The following ASCL2 variants were observed in gnomAD, a reference collection of about 807,000 sequenced individuals.
ASCL2 encodes achaete-scute homolog 2.
A neutral mutation model predicts 5.1 loss-of-function variants in ASCL2; 6 were observed. The observed-to-expected ratio is 1.17, with a 90% CI of 0.64 to 2.31. The LOEUF (loss-of-function observed/expected upper bound fraction) is 2.31, where lower values mean the gene tolerates loss of function less well. Ranked by LOEUF, ASCL2 falls within the 30% of genes most tolerant of loss-of-function variation. ASCL2 has a pLI of 0.00. For missense variants in ASCL2, 320 were observed against 310.3 expected (o/e 1.03, Z -0.23); for synonymous variants, 174 against 157.3 (o/e 1.11, Z -0.80).
chr11:2,269,929 C>G lies in ASCL2; in HGVS notation c.404G>C (p.Gly135Ala), dbSNP rs530856175. 1 of 1,282,412 alleles carries G rather than the reference C, an allele frequency of 7.8e-7. No homozygotes were observed. The highest frequency in any genetic ancestry group is 9.9e-7 in the Non-Finnish European group (1 of 1,011,602). 79.4% of individuals were successfully genotyped at this position (1,282,412 alleles called of 1,614,324 possible). Residue 135 changes from glycine (G) to alanine (A), a missense_variant, in exon 1 of 2, where the codon GGG becomes GCG. Gly to Ala is a moderately conservative substitution (Grantham distance 60). Transcript: ENST00000331289. ...GGGCGAGGCGGCGACCGGGGTGGTC[C>G]CTGGCGGCCCGCGGGGCGCAGACGG... ...VRPSAPRGPPGTTPVAASPSR... is the reference protein window; with the variant it reads ...VRPSAPRGPPATTPVAASPSR...
At chr11:2,269,489 C>T (rs1052017935) in intron 1 of ASCL2, among the ~76,000 whole-genome samples, 1 of 152,228 alleles carries the variant, frequency 6.6e-6, no homozygotes, top group African/African-American at 2.4e-5. Flanking sequence ...CTCCCCTCGT[C>T]TACCCCTCCC....
At chr11:2,269,680 GTCCCTCCA>G in intron 1 of ASCL2, 45 bp downstream of exon 1, 1 of 380,050 alleles carries the variant, frequency 2.6e-6, no homozygotes. Flanking sequence ...TGCCCACCCC[GTCCCTCCA>G]CCCCGGCCCC....
Position 2,270,091 on chromosome 11 carries a change from C to T in ASCL2, c.242G>A (p.Gly81Asp). 8 of 1,500,992 alleles carry T rather than the reference C, an allele frequency of 5.3e-6. No individual in the cohort carries two copies. The highest frequency in any genetic ancestry group is 7.1e-6 in the Non-Finnish European group (8 of 1,129,548). The allele number at this position is 1,500,992 out of a possible 1,614,324, so 93.0% of individuals were successfully genotyped here. ...QALRQHVPHG[G>D]ASKKLSKVET... ...CACCTTGCTCAGCTTCTTGCTGGCG[C>T]CGCCGTGCGGCACGTGCTGCCGCAG... The change falls in exon 1 of 2, where the codon GGC becomes GAC. Residue 81 changes from glycine to aspartate, a missense_variant. Gly to Asp is a moderately conservative substitution (Grantham distance 94). Transcript: ENST00000331289.
chr11:2,270,244 T>C lies in ASCL2; in HGVS notation c.89A>G (p.Glu30Gly). 1 of 1,423,398 alleles carries C rather than the reference T, an allele frequency of 7.0e-7. No individual in the cohort carries two copies. The highest frequency in any genetic ancestry group is 9.1e-7 in the Non-Finnish European group (1 of 1,094,894). The allele number at this position is 1,423,398 out of a possible 1,614,324, so 88.2% of individuals were successfully genotyped here. ...CAARRRPASP[E>G]LLRCSRRRRP... is the part of the protein sequence containing the mutation. ...CCGCCGCCGGCTGCAGCGCAACAGT[T>C]CCGGGGACGCGGGTCTCCGCCGGGC... The change falls in exon 1 of 2, where the codon GAA becomes GGA. Residue 30 changes from glutamate to glycine, a missense_variant. Physicochemically the swap from Glu to Gly is moderately conservative, Grantham distance 98 (BLOSUM62 -2). Coordinates refer to ENST00000331289, the MANE Select transcript of ASCL2 (RefSeq NM_005170.3).
Position 2,269,878 on chromosome 11 carries a change from C to A in ASCL2, c.455G>T (p.Arg152Leu). Residue 152 changes from arginine to leucine, a missense_variant, in exon 1 of 2, where the codon CGC becomes CTC. Transcript: ENST00000331289. ...GGAGCCGGGCTCCGAGCTGCCCCCG[C>A]GGCCCGGGGACGAAGAAGCGCGGGA... ...SPSRASSSPG[R>L]GGSSEPGSPR... 7.5e-7 allele frequency: 1 copy of A among 1,340,742 alleles called. No individual in the cohort carries two copies. The highest frequency in any genetic ancestry group is 3.8e-5 in the Admixed American group (1 of 26,334). 83.1% of individuals were successfully genotyped at this position (1,340,742 alleles called of 1,614,324 possible). A position where few individuals can be genotyped will look rare whatever the true frequency, so the allele number is the denominator to read the frequency against.
rs199617658 is a variant in ASCL2 at position 2,269,897 on chromosome 11, C to A, written c.436G>T (p.Ala146Ser). 8.2e-3 allele frequency: 10,716 copies of A among 1,301,064 alleles called. 64 individuals carry two copies. The highest frequency in any genetic ancestry group is 9.9e-3 in the Non-Finnish European group (10,142 of 1,019,356). 80.6% of individuals were successfully genotyped at this position (1,301,064 alleles called of 1,614,324 possible). A position where few individuals can be genotyped will look rare whatever the true frequency, so the allele number is the denominator to read the frequency against. Reference protein sequence around the residue: ...TTPVAASPSRASSSPGRGGSS... With the variant: ...TTPVAASPSRSSSSPGRGGSS... ...CCCCCGCGGCCCGGGGACGAAGAAG[C>A]GCGGGAGGGCGAGGCGGCGACCGGG... The change falls in exon 1 of 2, where the codon GCT becomes TCT. Residue 146 changes from alanine (A) to serine (S), a missense_variant. Ala to Ser is a moderately conservative substitution (Grantham distance 99). Transcript: ENST00000331289.
rs1847236532 is a variant in ASCL2, at chr11:2,270,385, C to T, written c.-53G>A. 5.6e-6 allele frequency: 7 copies of T among 1,259,692 alleles called. No individual in the cohort carries two copies. The highest frequency in any genetic ancestry group is 7.0e-6 in the Non-Finnish European group (7 of 1,002,350). The allele number at this position is 1,259,692 out of a possible 1,614,324, so 78.0% of individuals were successfully genotyped here. On this transcript the variant is annotated 5_prime_UTR_variant, in exon 1 of 2. Transcript: ENST00000331289. Reference sequence around the variant, plus strand: ...GGTCCCGGCGCGCCGCAGGAAGGTGCAGGCAGAGGAACCGGAGGCGACGGG... The same window carrying T: ...GGTCCCGGCGCGCCGCAGGAAGGTGTAGGCAGAGGAACCGGAGGCGACGGG...
At chr11:2,269,671 G>GGCCCCCCCCCC in intron 1 of ASCL2, 62 bp downstream of exon 1, 2 of 1,042,586 alleles carry the variant, frequency 1.9e-6, no homozygotes, top group Non-Finnish European at 1.3e-6. Flanking sequence ...CGCCGGGCCT[G>GGCCCCCCCCCC]CCCACCCCGT....
In ASCL2 at chr11:2,270,043, T is replaced by G; in HGVS notation, c.290A>C (p.Glu97Ala). ...SKVETLRSAV[E>A]YIRALQRLLA... is the part of the protein sequence containing the mutation. The stretch of plus-strand genomic sequence containing the variant: ...CAGGCGCTGCAGCGCGCGGATGTAC[T>G]CCACGGCTGAGCGCAGCGTCTCCAC... The change falls in exon 1 of 2, where the codon GAG becomes GCG. Residue 97 changes from glutamate (E) to alanine (A), a missense_variant. By Grantham distance (107) the Glu-to-Ala change is moderately radical. Coordinates refer to ENST00000331289, the MANE Select transcript of ASCL2 (RefSeq NM_005170.3). The G allele has an allele frequency of 6.8e-7, 1 of 1,465,686 alleles. No homozygotes were observed. Among genetic ancestry groups the G allele is most frequent in the South Asian group, 1.3e-5 (1 of 76,726 alleles). 90.8% of individuals were successfully genotyped at this position (1,465,686 alleles called of 1,614,324 possible). A position where few individuals can be genotyped will look rare whatever the true frequency, so the allele number is the denominator to read the frequency against.
Position 2,270,579 on chromosome 11 carries a change from C to T in ASCL2, c.-247G>A. 1 of 643,684 alleles carries T rather than the reference C, an allele frequency of 1.6e-6. No individual in the cohort carries two copies. The allele number at this position is 643,684 out of a possible 1,614,324, so 39.9% of individuals were successfully genotyped here. On this transcript the variant is annotated 5_prime_UTR_variant, in exon 1 of 2. Coordinates refer to ENST00000331289, the MANE Select transcript of ASCL2 (RefSeq NM_005170.3). ...GTCCCGCGCGTGCGGCCGGACTCTCCCAGGTCTCCGCAGGCGCGGCGCAGG... is the reference window on the plus strand; with the variant it reads ...GTCCCGCGCGTGCGGCCGGACTCTCTCAGGTCTCCGCAGGCGCGGCGCAGG...
chr11:2,268,966 C>A lies in ASCL2; in HGVS notation c.*179G>T, dbSNP rs2072072. On this transcript the variant is annotated 3_prime_UTR_variant, in exon 2 of 2. Coordinates refer to ENST00000331289, the MANE Select transcript of ASCL2 (RefSeq NM_005170.3). The surrounding 1 kb of genome is among the most constrained non-coding windows in gnomAD (Gnocchi z 4.5). ...GCCAGCTCCAAGCCCGTTTCCACCG[C>A]GGCATTGGTCAGGCTGGGCCGGACG... is the stretch of plus-strand genomic sequence containing the variant. 1.4e-5 allele frequency: 2 copies of A among 141,208 alleles called. No individual in the cohort carries two copies. Among genetic ancestry groups the A allele is most frequent in the Non-Finnish European group, 3.1e-5 (2 of 64,592 alleles). 8.7% of individuals were successfully genotyped at this position (141,208 alleles called of 1,614,324 possible). A position where few individuals can be genotyped will look rare whatever the true frequency, so the allele number is the denominator to read the frequency against.
Position 2,269,859 on chromosome 11 carries a change from G to A in ASCL2, c.474C>T (p.Pro158=). The A allele has an allele frequency of 7.3e-7, 1 of 1,370,316 alleles. No homozygotes were observed. Among genetic ancestry groups the A allele is most frequent in the South Asian group, 1.7e-5 (1 of 57,272 alleles). The allele number at this position is 1,370,316 out of a possible 1,614,324, so 84.9% of individuals were successfully genotyped here. A position where few individuals can be genotyped will look rare whatever the true frequency, so the allele number is the denominator to read the frequency against. The change falls in exon 1 of 2, where the codon CCC becomes CCT. Residue 158 remains proline (P), a synonymous_variant. Transcript: ENST00000331289. The part of the protein sequence containing the change: ...SSPGRGGSSE[P]GSPRSAYSSD... ...ACGAGTAGGCGGAACGCGGGGAGCC[G>A]GGCTCCGAGCTGCCCCCGCGGCCCG...
rs1221515596 is a variant in ASCL2 at position 2,270,347 on chromosome 11, C to G, written c.-15G>C. 2 of 1,275,456 alleles carry G rather than the reference C, an allele frequency of 1.6e-6. No homozygotes were observed. The highest frequency in any genetic ancestry group is 2.0e-6 in the Non-Finnish European group (2 of 1,013,224). The allele number at this position is 1,275,456 out of a possible 1,614,324, so 79.0% of individuals were successfully genotyped here. A position where few individuals can be genotyped will look rare whatever the true frequency, so the allele number is the denominator to read the frequency against. On this transcript the variant is annotated 5_prime_UTR_variant, in exon 1 of 2. Transcript: ENST00000331289. ...CCGCCGTCCATCGCGCCTGCATCCA[C>G]CCGCCCGCTCCAGGTCCCGGCGCGC...
At position 2,268,721 on chromosome 11, in the gene ASCL2, T is replaced by C. The variant is rs1191213105; in HGVS notation, c.*424A>G. ...GGGCAGGGGTCCAGGTCATCTTTAT[T>C]ACGCCCCAGGTCAAGGGTTCTTTGT... is the stretch of plus-strand genomic sequence containing the variant. On this transcript the variant is annotated 3_prime_UTR_variant, in exon 2 of 2. Transcript: ENST00000331289. The surrounding 1 kb of genome is among the most constrained non-coding windows in gnomAD (Gnocchi z 4.5). 2 of 152,398 alleles carry C rather than the reference T, an allele frequency of 1.3e-5. No individual in the cohort carries two copies. Among genetic ancestry groups the C allele is most frequent in the Admixed American group, 6.5e-5 (1 of 15,290 alleles). 9.4% of individuals were successfully genotyped at this position (152,398 alleles called of 1,614,324 possible). A position where few individuals can be genotyped will look rare whatever the true frequency, so the allele number is the denominator to read the frequency against.
chr11:2,270,269 C>G lies in ASCL2; in HGVS notation c.64G>C (p.Ala22Pro). 1 of 1,369,256 alleles carries G rather than the reference C, an allele frequency of 7.3e-7. No homozygotes were observed. The highest frequency in any genetic ancestry group is 9.4e-7 in the Non-Finnish European group (1 of 1,069,008). 84.8% of individuals were successfully genotyped at this position (1,369,256 alleles called of 1,614,324 possible). A position where few individuals can be genotyped will look rare whatever the true frequency, so the allele number is the denominator to read the frequency against. The change falls in exon 1 of 2, where the codon GCC (alanine) becomes CCC (proline). Residue 22 changes from alanine to proline, a missense_variant. Coordinates refer to ENST00000331289, the MANE Select transcript of ASCL2 (RefSeq NM_005170.3). ...PAPPVPVGCA[A>P]RRRPASPELL... ...TCCGGGGACGCGGGTCTCCGCCGGGCAGCGCAGCCGACAGGGACGGGGGGC... is the reference window on the plus strand; with the variant it reads ...TCCGGGGACGCGGGTCTCCGCCGGGGAGCGCAGCCGACAGGGACGGGGGGC...
At chr11:2,269,630 C>T (rs913680178) in intron 1 of ASCL2, 103 bp downstream of exon 1, 7 of 1,092,198 alleles carry the variant, frequency 6.4e-6, no homozygotes, top group Non-Finnish European at 8.3e-6. Flanking sequence ...GGGCCTGGCG[C>T]TCGGCTCCGC....
Position 2,270,394 on chromosome 11 carries a change from G to A in ASCL2, c.-62C>T. The A allele has an allele frequency of 1.6e-6, 2 of 1,257,288 alleles. No individual in the cohort carries two copies. The highest frequency in any genetic ancestry group is 2.0e-6 in the Non-Finnish European group (2 of 1,000,112). The allele number at this position is 1,257,288 out of a possible 1,614,324, so 77.9% of individuals were successfully genotyped here. ...GCGCCGCAGGAAGGTGCAGGCAGAGGAACCGGAGGCGACGGGGAAAACTGT... is the reference window on the plus strand; with the variant it reads ...GCGCCGCAGGAAGGTGCAGGCAGAGAAACCGGAGGCGACGGGGAAAACTGT... On this transcript the variant is annotated 5_prime_UTR_variant, in exon 1 of 2. Transcript: ENST00000331289.
At position 2,270,356 on chromosome 11, in the gene ASCL2, T is replaced by A. The variant is rs1847236235; in HGVS notation, c.-24A>T. On this transcript the variant is annotated 5_prime_UTR_variant, in exon 1 of 2. Coordinates refer to ENST00000331289, the MANE Select transcript of ASCL2 (RefSeq NM_005170.3). ...ATCGCGCCTGCATCCACCCGCCCGC[T>A]CCAGGTCCCGGCGCGCCGCAGGAAG... The A allele has an allele frequency of 2.4e-6, 3 of 1,269,714 alleles. No homozygotes were observed. The highest frequency in any genetic ancestry group is 3.0e-6 in the Non-Finnish European group (3 of 1,009,812). The allele number at this position is 1,269,714 out of a possible 1,614,324, so 78.7% of individuals were successfully genotyped here. A position where few individuals can be genotyped will look rare whatever the true frequency, so the allele number is the denominator to read the frequency against.
chr11:2,269,584 G>A lies in ASCL2; in HGVS notation c.*18+149C>T, dbSNP rs543404525. ...TTGCACGGGCTTGAAAAACTTTGGG[G>A]GAAATGAAGAGTGAGCGAAATCGAA... On this transcript the variant is annotated intron_variant, in intron 1 of 1. Transcript: ENST00000331289. 17 of 688,078 alleles carry A rather than the reference G, an allele frequency of 2.5e-5. No homozygotes were observed. The East Asian group carries it at 3.5e-4, about 14-fold the overall frequency. The allele number at this position is 688,078 out of a possible 1,614,324, so 42.6% of individuals were successfully genotyped here.
Sources: gnomAD v4.1 joint callset for allele counts (sites outside exome capture counted in the v4.1 genomes callset) on GRCh38, gnomAD v4.1.1 for gene constraint, Gnocchi (gnomAD v3.1) non-coding constraint, MANE v1.5 for transcripts, NCBI Gene and HGNC (gene_info 2026-07-23, HGNC 2026-07-21) for gene names.